The following TBCE variants were observed in gnomAD, a reference collection of about 807,000 sequenced individuals.
TBCE encodes tubulin-specific chaperone E.
A neutral mutation model predicts 77.0 loss-of-function variants in TBCE; 53 were observed. That is an observed-to-expected ratio of 0.69 (90% CI 0.55 to 0.87). The LOEUF (loss-of-function observed/expected upper bound fraction) is 0.87. TBCE is among the 40% of genes least tolerant of loss of function. The pLI is 0.00. For missense variants in TBCE, 624 were observed against 622.4 expected, an observed-to-expected ratio of 1.00 and a Z score of -0.03; for synonymous variants, 235 against 241.3, an observed-to-expected ratio of 0.97 and a Z score of 0.24.
intron 1 of TBCE, among the ~76,000 whole-genome samples, chr1:235,369,421 C>T (rs906661277): frequency 2.0e-5 from 3 of 151,810 alleles, no homozygotes; most frequent in Non-Finnish European, 1.5e-5. Context: ...GCAGAAGAAT[C>T]GCTTGAACCC....
intron 2 of TBCE, among the ~76,000 whole-genome samples, chr1:235,387,633 GT>G (rs1678106700): frequency 6.6e-6 from 1 of 152,132 alleles, no homozygotes; most frequent in Non-Finnish European, 1.5e-5. Flanking sequence ...CTGGTGTGCC[GT>G]TTTTTAAGCT....
At chr1:235,411,686 A>G (rs2102876240) in intron 3 of TBCE, among the ~76,000 whole-genome samples, 1 of 152,324 alleles carries the variant, frequency 6.6e-6, no homozygotes, top group South Asian at 2.1e-4. Context: ...ACTTACAGAA[A>G]CAAATCACTG....
chr1:235,443,279 G>A (rs1374971079), intron 15 of TBCE, among the ~76,000 whole-genome samples: 1 of 151,974 alleles, frequency 6.6e-6, no homozygotes, highest in Non-Finnish European at 1.5e-5. Flanking sequence ...TCAGCTCACG[G>A]CAGCCTCTGC....
At chr1:235,428,549 A>G (rs906417918) in intron 6 of TBCE, among the ~76,000 whole-genome samples, 3 of 152,178 alleles carry the variant, frequency 2.0e-5, no homozygotes, top group Admixed American at 2.0e-4. Flanking sequence ...CTTCGCTAGT[A>G]GACATTTTTA....
intron 4 of TBCE, 146 bp downstream of exon 4, chr1:235,414,764 ATCCAAGAATTATT>A (rs1343705317): frequency 7.7e-5 from 58 of 757,080 alleles, no homozygotes; most frequent in Middle Eastern, 7.0e-4. Flanking sequence ...AATCTGAGGA[ATCCAAGAATTATT>A]TAGGGAAATT....
At chr1:235,390,838 A>G (rs1332390926) in intron 2 of TBCE, among the ~76,000 whole-genome samples, 1 of 151,928 alleles carries the variant, frequency 6.6e-6, no homozygotes, top group South Asian at 2.1e-4. Flanking sequence ...TCAGCTGGCC[A>G]TTGTTTATTC....
At chr1:235,446,759 G>A (rs1278760897) in intron 15 of TBCE, among the ~76,000 whole-genome samples, 3 of 150,602 alleles carry the variant, frequency 2.0e-5, no homozygotes, top group Admixed American at 6.6e-5. Context: ...GTACAGTGGC[G>A]CGATCATGGC....
chr1:235,434,580 C>T (rs1681305595), intron 8 of TBCE, among the ~76,000 whole-genome samples: 2 of 141,814 alleles, frequency 1.4e-5, no homozygotes, highest in African/African-American at 5.4e-5. Context: ...ACTCTGTCGC[C>T]CAGGCTGGAG....
intron 2 of TBCE, among the ~76,000 whole-genome samples, chr1:235,393,510 C>T (rs571709090): frequency 2.0e-5 from 3 of 152,190 alleles, no homozygotes; most frequent in Middle Eastern, 3.4e-3. Flanking sequence ...TGCACTCCAG[C>T]CTGGGTGACA....
chr1:235,433,912 A>G lies in TBCE; in HGVS notation c.661-292A>G, dbSNP rs973773833. ...TCAAATAATAATATGTGCAGTTAGT[A>G]TCTCCTGTTCCACCTCGTAGCTGCT... On this transcript the variant is annotated intron_variant, in intron 7 of 16. Transcript: ENST00000642610. The G allele has an allele frequency of 1.3e-5, 6 of 459,780 alleles. No homozygotes were observed. The East Asian group carries it at 1.5e-4, about 12-fold the overall frequency. The allele number at this position is 459,780 out of a possible 1,614,324, so 28.5% of individuals were successfully genotyped here.
At chr1:235,387,399 G>A (rs893754243) in intron 2 of TBCE, among the ~76,000 whole-genome samples, 6 of 152,234 alleles carry the variant, frequency 3.9e-5, no homozygotes, top group African/African-American at 1.4e-4. Context: ...CCTGCCCCCA[G>A]AGGTGGAGCC....
At chr1:235,419,910 AC>A (rs1477969358) in intron 5 of TBCE, among the ~76,000 whole-genome samples, 1 of 151,820 alleles carries the variant, frequency 6.6e-6, no homozygotes, top group African/African-American at 2.4e-5. Flanking sequence ...ACATGGTGAA[AC>A]CTGTCTCTAC....
chr1:235,438,527 G>A (rs1356547289), intron 12 of TBCE, among the ~76,000 whole-genome samples: 2 of 146,272 alleles, frequency 1.4e-5, no homozygotes, highest in African/African-American at 5.2e-5. Context: ...TAGCCTGGGC[G>A]ACACAGCGAG....
chr1:235,447,044 T>C (rs758271524), intron 15 of TBCE, among the ~76,000 whole-genome samples: 1 of 152,178 alleles, frequency 6.6e-6, no homozygotes, highest in Non-Finnish European at 1.5e-5. Context: ...CACTCCCCAC[T>C]GGTGTGCAGC....
intron 5 of TBCE, 123 bp from the exon 6 acceptor site, chr1:235,427,017 T>C (rs955650141): frequency 1.3e-5 from 9 of 710,734 alleles, no homozygotes; most frequent in African/African-American, 7.2e-5. Flanking sequence ...CTGAAAAAAT[T>C]TGAAGCTGAC....
At chr1:235,369,635 A>T (rs1676780552) in intron 1 of TBCE, among the ~76,000 whole-genome samples, 1 of 150,434 alleles carries the variant, frequency 6.6e-6, no homozygotes. Flanking sequence ...CAGCCTGGCC[A>T]AAGTGGCGAA....
At chr1:235,373,147 A>T (rs1677076471) in intron 1 of TBCE, among the ~76,000 whole-genome samples, 1 of 152,038 alleles carries the variant, frequency 6.6e-6, no homozygotes, top group Admixed American at 6.6e-5. Flanking sequence ...CCTGGATAAC[A>T]TAGTGAGGCC....
At chr1:235,375,572 G>A (rs1677244323) in intron 1 of TBCE, among the ~76,000 whole-genome samples, 1 of 152,118 alleles carries the variant, frequency 6.6e-6, no homozygotes. Context: ...CATCAAGTAG[G>A]TCTAACATCA....
At chr1:235,416,887 C>G (rs995497249) in intron 4 of TBCE, among the ~76,000 whole-genome samples, 1 of 152,190 alleles carries the variant, frequency 6.6e-6, no homozygotes, top group Non-Finnish European at 1.5e-5. Context: ...CCAGCTAAGG[C>G]ACTTTTGGCT....
Sources: gnomAD v4.1 joint callset for allele counts (sites outside exome capture counted in the v4.1 genomes callset) on GRCh38, gnomAD v4.1.1 for gene constraint, MANE v1.5 for transcripts, NCBI Gene and HGNC (gene_info 2026-07-23, HGNC 2026-07-21) for gene names.